The following PDE1A variants were observed in gnomAD, a reference collection of about 807,000 sequenced individuals.
The protein encoded by PDE1A is phosphodiesterase 1A, also known as dual specificity calcium/calmodulin-dependent 3',5'-cyclic nucleotide phosphodiesterase 1A.
PDE1A carries 35 observed loss-of-function variants against 61.7 expected under a neutral mutation model. The ratio of observed to expected loss-of-function variants is 0.57; its 90% confidence interval spans 0.43 to 0.75. PDE1A has a LOEUF of 0.75. Ranked by LOEUF, PDE1A falls within the 30% of genes least tolerant of loss-of-function variation. PDE1A has a pLI of 0.00. For synonymous variants in PDE1A, 232 were observed against 213.2 expected (o/e 1.09, Z -0.77); for missense variants, 597 against 630.6 (o/e 0.95, Z 0.57).
the PDE1A span, among the ~76,000 whole-genome samples, chr2:182,623,857 G>A: frequency 6.6e-6 from 1 of 152,104 alleles, no homozygotes; most frequent in African/African-American, 2.4e-5. Context: ...CAGGCGCGGT[G>A]GCTCACGCCT....
At chr2:182,512,698 G>A (rs1689881581) in intron 2 of PDE1A, among the ~76,000 whole-genome samples, 1 of 152,102 alleles carries the variant, frequency 6.6e-6, no homozygotes, top group African/African-American at 2.4e-5. Flanking sequence ...AGGAATCTAA[G>A]AAATCTATTA....
At chr2:182,316,842 G>T (rs573028246) in intron 1 of PDE1A, among the ~76,000 whole-genome samples, 37 of 152,210 alleles carry the variant, frequency 2.4e-4, no homozygotes, top group Non-Finnish European at 4.4e-4. Context: ...TGTCTCATTT[G>T]GATATGTGTT....
chr2:182,702,082 T>G, the PDE1A span, among the ~76,000 whole-genome samples: 1 of 152,178 alleles, frequency 6.6e-6, no homozygotes, highest in Non-Finnish European at 1.5e-5. Context: ...TAAACAGTAA[T>G]AATTTATGCA....
the PDE1A span, among the ~76,000 whole-genome samples, chr2:182,707,893 A>C: frequency 6.6e-6 from 1 of 152,192 alleles, no homozygotes; most frequent in South Asian, 2.1e-4. Flanking sequence ...AGGTTGGGTA[A>C]GATACGCAAA....
At chr2:182,537,587 G>A in the PDE1A span, among the ~76,000 whole-genome samples, 1 of 151,826 alleles carries the variant, frequency 6.6e-6, no homozygotes, top group African/African-American at 2.4e-5. Flanking sequence ...CCATGGCACG[G>A]GTATACCTAT....
downstream of PDE1A, among the ~76,000 whole-genome samples, chr2:182,143,581 T>C (rs1351362977): frequency 6.6e-6 from 1 of 152,146 alleles, no homozygotes; most frequent in African/African-American, 2.4e-5. Flanking sequence ...AGTGGCGCCA[T>C]CTCGGCTCAC....
At chr2:182,475,739 T>A (rs896460092) in intron 2 of PDE1A, among the ~76,000 whole-genome samples, 3 of 151,944 alleles carry the variant, frequency 2.0e-5, no homozygotes, top group Non-Finnish European at 2.9e-5. Context: ...CTTCATTTTA[T>A]TTCACTCATT....
chr2:182,300,305 G>A (rs891328784), intron 1 of PDE1A, among the ~76,000 whole-genome samples: 5 of 152,164 alleles, frequency 3.3e-5, no homozygotes, highest in Admixed American at 6.6e-5. Context: ...TCACTGACAC[G>A]TTTTTCATAC....
chr2:182,575,902 A>G, the PDE1A span, among the ~76,000 whole-genome samples: 1 of 146,840 alleles, frequency 6.8e-6, no homozygotes, highest in Non-Finnish European at 1.5e-5. Flanking sequence ...TAAAGTTAAT[A>G]CTATATATAG....
chr2:182,383,524 G>T (rs114631394), intron 1 of PDE1A, among the ~76,000 whole-genome samples: 1 of 152,092 alleles, frequency 6.6e-6, no homozygotes, highest in African/African-American at 2.4e-5. Context: ...AATACAAGGC[G>T]AAGGAAAAGT....
At chr2:182,590,295 C>T in the PDE1A span, among the ~76,000 whole-genome samples, 2 of 152,150 alleles carry the variant, frequency 1.3e-5, no homozygotes, top group African/African-American at 2.4e-5. Context: ...AGTGAGACCC[C>T]CATCTCTGCA....
chr2:182,576,572 G>A, the PDE1A span, among the ~76,000 whole-genome samples: 34 of 152,100 alleles, frequency 2.2e-4, no homozygotes, highest in South Asian at 7.1e-3. Flanking sequence ...ACTCTTTTGT[G>A]TATATAAACA....
At chr2:182,177,933 C>G (rs1245898240) in intron 13 of PDE1A, among the ~76,000 whole-genome samples, 1 of 152,026 alleles carries the variant, frequency 6.6e-6, no homozygotes, top group Admixed American at 6.6e-5. Flanking sequence ...AGTGAGGAAA[C>G]ATACTTGATA....
chr2:182,144,359 C>A (rs182352395), downstream of PDE1A, among the ~76,000 whole-genome samples: 30 of 152,262 alleles, frequency 2.0e-4, no homozygotes, highest in African/African-American at 6.5e-4. Context: ...ATATATCCAA[C>A]CATTCCATTT....
At chr2:182,554,855 C>T in the PDE1A span, among the ~76,000 whole-genome samples, 3 of 152,070 alleles carry the variant, frequency 2.0e-5, no homozygotes, top group South Asian at 2.1e-4. Context: ...TTTAGCAAAA[C>T]GAAGTCAGTA....
the PDE1A span, among the ~76,000 whole-genome samples, chr2:182,528,485 A>C: frequency 6.6e-6 from 1 of 152,326 alleles, no homozygotes; most frequent in Admixed American, 6.5e-5. Context: ...CAGAGCATAA[A>C]AGTTTGGAAT....
chr2:182,174,533 A>G (rs1023577954), intron 13 of PDE1A, among the ~76,000 whole-genome samples: 1 of 152,068 alleles, frequency 6.6e-6, no homozygotes, highest in African/African-American at 2.4e-5. Flanking sequence ...ATTTATTTGT[A>G]AAGTTCTCTG....
At chr2:182,550,332 C>G in the PDE1A span, among the ~76,000 whole-genome samples, 1 of 152,250 alleles carries the variant, frequency 6.6e-6, no homozygotes, top group South Asian at 2.1e-4. Flanking sequence ...CAGGGCACTT[C>G]GCTAGCCTTT....
the PDE1A span, among the ~76,000 whole-genome samples, chr2:182,567,037 T>G: frequency 6.6e-6 from 1 of 152,202 alleles, no homozygotes; most frequent in Non-Finnish European, 1.5e-5. Context: ...TAAGTCTAGC[T>G]TGATTAGTTA....
Sources: gnomAD v4.1 joint callset for allele counts (sites outside exome capture counted in the v4.1 genomes callset) on GRCh38, gnomAD v4.1.1 for gene constraint, MANE v1.5 for transcripts, NCBI Gene and HGNC (gene_info 2026-07-23, HGNC 2026-07-21) for gene names.